Variants in TENM4 observed in about 807,000 individuals in gnomAD.
TENM4 encodes the protein teneurin-4.
A neutral mutation model predicts 243.3 loss-of-function variants in TENM4; 82 were observed. The observed-to-expected ratio is 0.34, with a 90% confidence interval of 0.28 to 0.40. TENM4 has a LOEUF of 0.40. Ranked by LOEUF, TENM4 falls within the 10% of genes least tolerant of loss-of-function variation. TENM4 has a pLI of 1.00. For synonymous variants in TENM4, 1,412 were observed against 1,456.3 expected, an observed-to-expected ratio of 0.97 and a Z score of 0.69; for missense variants, 3,138 against 3,673.3, an observed-to-expected ratio of 0.85 and a Z score of 3.77.
chr11:78,814,506 C>G (rs1857564509), intron 12 of TENM4, 111 bp from the exon 13 acceptor site: 1 of 809,772 alleles, frequency 1.2e-6, no homozygotes, highest in Admixed American at 3.1e-5. Context: ...GCTCTTGTGG[C>G]CCCGTCACTG....
At chr11:79,345,628 AC>A (rs1857313369) in intron 1 of TENM4, among the ~76,000 whole-genome samples, 1 of 152,172 alleles carries the variant, frequency 6.6e-6, no homozygotes, top group Non-Finnish European at 1.5e-5. Flanking sequence ...TTCTAGTTTC[AC>A]CATTTAGCTG....
intron 1 of TENM4, among the ~76,000 whole-genome samples, chr11:79,343,886 G>A (rs1005899915): frequency 6.6e-6 from 1 of 152,252 alleles, no homozygotes; most frequent in African/African-American, 2.4e-5. Flanking sequence ...GCCTGGATCT[G>A]CAGGGGCTTG....
intron 4 of TENM4, among the ~76,000 whole-genome samples, chr11:79,107,674 A>G (rs1355296196): frequency 3.3e-5 from 5 of 152,336 alleles, no homozygotes. Flanking sequence ...CCGCTCATCA[A>G]TGATGCCCAG....
At chr11:78,914,015 C>T (rs73500650) in intron 6 of TENM4, among the ~76,000 whole-genome samples, 6,823 of 152,162 alleles carry the variant, frequency 0.045, 484 homozygotes, top group African/African-American at 0.15. Flanking sequence ...AAACGCTAAA[C>T]GCCTTATAAT....
At chr11:79,112,174 G>A (rs1861522435) in intron 4 of TENM4, among the ~76,000 whole-genome samples, 1 of 152,148 alleles carries the variant, frequency 6.6e-6, no homozygotes, top group Non-Finnish European at 1.5e-5. Flanking sequence ...ATGCACGTGT[G>A]CGCACACACA....
rs189829788 is a variant in TENM4, at chr11:79,139,874, C to T, written c.-66+8836G>A. ...TATATGTATTTTCCATTAGTTCTGT[C>T]CCTCTAGAGAACGCTGAGTAATACA... On this transcript the variant is annotated intron_variant, in intron 4 of 33. Transcript: ENST00000278550. Among the ~76,000 whole-genome samples, 69 of 140,246 alleles carry T rather than the reference C, an allele frequency of 4.9e-4. 1 individual carries two copies. Among genetic ancestry groups the T allele is most frequent in the African/African-American group, 1.8e-3 (67 of 37,102 alleles). The allele number at this position is 140,246 out of a possible 152,430, so 92.0% of individuals were successfully genotyped here. A position where few individuals can be genotyped will look rare whatever the true frequency, so the allele number is the denominator to read the frequency against.
At chr11:78,670,643 G>C in intron 31 of TENM4, 92 bp from the exon 32 acceptor site, 2 of 1,247,524 alleles carry the variant, frequency 1.6e-6, no homozygotes, top group Non-Finnish European at 2.2e-6. Flanking sequence ...CGGAATGAAT[G>C]TCCAAGGAGA....
Position 78,787,046 on chromosome 11 carries a change from G to A in TENM4, c.2217C>T (p.Cys739=), listed in dbSNP as rs376356209. Reference sequence around the variant, plus strand: ...CCTCGCAGCGGCAGGTGCCCCCTACGCACACGCCATGGCCACCACAGTCGG... The same window carrying A: ...CCTCGCAGCGGCAGGTGCCCCCTACACACACGCCATGGCCACCACAGTCGG... ...CAADCGGHGV[C]VGGTCRCEDG... Residue 739 remains cysteine, a synonymous_variant, in exon 16 of 34, where the codon TGC becomes TGT. Coordinates refer to ENST00000278550, the MANE Select transcript of TENM4 (RefSeq NM_001098816.3). 41 of 1,552,234 alleles carry A rather than the reference G, an allele frequency of 2.6e-5. No individual in the cohort carries two copies. In the East Asian group the frequency reaches 4.4e-4, roughly 17 times the overall value.
intron 3 of TENM4, among the ~76,000 whole-genome samples, chr11:79,151,670 C>T (rs1862515034): frequency 6.6e-6 from 1 of 152,046 alleles, no homozygotes; most frequent in African/African-American, 2.4e-5. Flanking sequence ...CATATCATCC[C>T]TGGCTCAAAT....
chr11:79,100,099 G>A (rs538989259), intron 4 of TENM4, among the ~76,000 whole-genome samples: 1 of 152,272 alleles, frequency 6.6e-6, no homozygotes, highest in African/African-American at 2.4e-5. Context: ...TCCCTCCCCT[G>A]AGCACGTTTC....
At chr11:78,829,767 C>T (rs894777978) in intron 12 of TENM4, among the ~76,000 whole-genome samples, 2 of 152,152 alleles carry the variant, frequency 1.3e-5, no homozygotes, top group African/African-American at 2.4e-5. Flanking sequence ...AAGGGAAAGA[C>T]TGGAAATAGG....
Position 79,219,808 on chromosome 11 carries a change from G to A in TENM4, c.-264-3899C>T, listed in dbSNP as rs996823153. On this transcript the variant is annotated intron_variant, in intron 2 of 33. Transcript: ENST00000278550. ...ATTTCCTGGGCTGCCTTTCAGGAAG[G>A]CCCAGGTGGAATTAAATGCAGAGTG... Among the ~76,000 whole-genome samples the A allele has an allele frequency of 2.6e-5, 4 of 152,296 alleles. No individual in the cohort carries two copies. The South Asian group carries it at 6.2e-4, about 24-fold the overall frequency.
chr11:78,910,739 C>A (rs763833600), intron 6 of TENM4, among the ~76,000 whole-genome samples: 2 of 152,222 alleles, frequency 1.3e-5, no homozygotes, highest in Non-Finnish European at 2.9e-5. Context: ...CCAGTCTGAA[C>A]ATGAGGCTAG....
intron 31 of TENM4, among the ~76,000 whole-genome samples, chr11:78,670,964 C>T (rs1858309813): frequency 6.6e-6 from 1 of 152,236 alleles, no homozygotes; most frequent in South Asian, 2.1e-4. Context: ...GTATGTACAG[C>T]AGTCTGGCTT....
intron 3 of TENM4, among the ~76,000 whole-genome samples, chr11:79,164,206 G>A (rs1160590952): frequency 8.5e-6 from 1 of 117,422 alleles, no homozygotes; most frequent in South Asian, 2.5e-4. Context: ...TATATATAGT[G>A]TATAGTATAT....
chr11:79,438,509 C>G lies in TENM4; in HGVS notation c.-321+2000G>C, dbSNP rs544200182. On this transcript the variant is annotated intron_variant, in intron 1 of 33. Coordinates refer to ENST00000278550, the MANE Select transcript of TENM4 (RefSeq NM_001098816.3). This position sits in a 1 kb window ranked among gnomAD's most constrained non-coding sequence, Gnocchi z 4.1. ...GGTAAGGGTGGCAGCCCGGCAGAGC[C>G]AGCGTTCTACTCCCTCTAACCCCTC... Among the ~76,000 whole-genome samples, 5 of 151,404 alleles carry G rather than the reference C, an allele frequency of 3.3e-5. No individual in the cohort carries two copies. Among genetic ancestry groups the G allele is most frequent in the Non-Finnish European group, 7.4e-5 (5 of 67,768 alleles).
intron 15 of TENM4, among the ~76,000 whole-genome samples, chr11:78,796,632 C>T (rs1010832649): frequency 4.6e-5 from 7 of 152,062 alleles, no homozygotes; most frequent in African/African-American, 1.4e-4. Context: ...GTCACACCTC[C>T]GCCTAAAACT....
intron 1 of TENM4, among the ~76,000 whole-genome samples, chr11:79,323,183 T>C (rs1300192764): frequency 6.6e-6 from 1 of 152,234 alleles, no homozygotes; most frequent in Non-Finnish European, 1.5e-5. Flanking sequence ...AAATTATTTG[T>C]GTATGGGCCC....
intron 12 of TENM4, among the ~76,000 whole-genome samples, chr11:78,827,800 T>G (rs115860041): frequency 0.02 from 2,997 of 152,286 alleles, 104 homozygotes; most frequent in African/African-American, 0.067. Context: ...AAGCCCAGTT[T>G]AAATATTACC....
Sources: gnomAD v4.1 joint callset for allele counts (sites outside exome capture counted in the v4.1 genomes callset) on GRCh38, gnomAD v4.1.1 for gene constraint, Gnocchi (gnomAD v3.1) non-coding constraint, MANE v1.5 for transcripts, NCBI Gene and HGNC (gene_info 2026-07-23, HGNC 2026-07-21) for gene names.